Variants in DACH2 observed in about 807,000 individuals in gnomAD.
DACH2 encodes dachshund family transcription factor 2.
Under a neutral mutation model 35.8 loss-of-function variants are expected in DACH2, and 17 were observed. The ratio of observed to expected loss-of-function variants is 0.48; its 90% CI spans 0.33 to 0.71. DACH2 has a LOEUF of 0.71. Ranked by LOEUF, DACH2 falls within the 30% of genes least tolerant of loss-of-function variation. The pLI is 0.02. For synonymous variants in DACH2, 195 were observed against 177.3 expected, an observed-to-expected ratio of 1.10 and a Z score of -0.79; for missense variants, 469 against 472.7, an observed-to-expected ratio of 0.99 and a Z score of 0.07.
intron 11 of DACH2, among the ~76,000 whole-genome samples, chrX:86,824,786 G>A (rs762782771): frequency 1.2e-4 from 13 of 111,877 alleles, no homozygotes; most frequent in Middle Eastern, 4.6e-3. Flanking sequence ...ATTTAATAAT[G>A]AGTGAGGAAA....
chrX:86,302,212 G>T (rs951687268), intron 1 of DACH2, among the ~76,000 whole-genome samples: 1 of 111,371 alleles, frequency 9.0e-6, no homozygotes, highest in Non-Finnish European at 1.9e-5. Context: ...ATAGAAAGTA[G>T]ATCTCCTTAG....
At chrX:86,730,219 C>CGTAGAATAT (rs988187032) in intron 6 of DACH2, among the ~76,000 whole-genome samples, 9 of 110,820 alleles carry the variant, frequency 8.1e-5, no homozygotes, top group African/African-American at 3.0e-4. Context: ...TTATATGATG[C>CGTAGAATAT]GTAGAATATA....
intron 1 of DACH2, among the ~76,000 whole-genome samples, chrX:86,231,535 G>A (rs1455823050): frequency 1.8e-5 from 2 of 111,208 alleles, no homozygotes; most frequent in Non-Finnish European, 3.8e-5. Flanking sequence ...GCTGAGTCAT[G>A]CAGGTTGTCA....
chrX:86,157,369 G>C (rs1189741579), intron 1 of DACH2, among the ~76,000 whole-genome samples: 1 of 111,243 alleles, frequency 9.0e-6, no homozygotes, highest in Non-Finnish European at 1.9e-5. Flanking sequence ...TATGTGATGG[G>C]TTAAAAAGAA....
At chrX:86,324,693 C>T (rs747661978) in intron 1 of DACH2, among the ~76,000 whole-genome samples, 4 of 97,055 alleles carry the variant, frequency 4.1e-5, no homozygotes, top group South Asian at 5.4e-4. Flanking sequence ...ATTCTCCTGC[C>T]TCAGCCTCCC....
At chrX:86,430,087 C>A (rs961946469) in intron 2 of DACH2, among the ~76,000 whole-genome samples, 2 of 112,071 alleles carry the variant, frequency 1.8e-5, no homozygotes, top group African/African-American at 3.2e-5. Flanking sequence ...AATATTGTGG[C>A]ATGGTTTGAA....
chrX:86,770,393 GT>G (rs2041977364), intron 7 of DACH2, among the ~76,000 whole-genome samples: 1 of 111,648 alleles, frequency 9.0e-6, no homozygotes, highest in African/African-American at 3.2e-5. Flanking sequence ...TTGACTTGAG[GT>G]AGTTGTCAGC....
intron 3 of DACH2, among the ~76,000 whole-genome samples, chrX:86,548,571 A>C (rs1471655652): frequency 1.8e-5 from 2 of 111,832 alleles, no homozygotes; most frequent in Admixed American, 1.9e-4. Flanking sequence ...ATGCTTATTA[A>C]CAGTCATTGT....
chrX:86,825,418 G>GA (rs5902917), intron 11 of DACH2, among the ~76,000 whole-genome samples: 12 of 76,665 alleles, frequency 1.6e-4, no homozygotes, highest in Non-Finnish European at 2.3e-4. Flanking sequence ...CTCTGTCTCA[G>GA]AAAAAAAAAA....
intron 4 of DACH2, among the ~76,000 whole-genome samples, chrX:86,674,194 T>C (rs1201579005): frequency 1.8e-5 from 2 of 112,263 alleles, no homozygotes; most frequent in Admixed American, 9.5e-5. Flanking sequence ...TTATTATTGG[T>C]GCATTTTTGC....
intron 1 of DACH2, among the ~76,000 whole-genome samples, chrX:86,163,955 G>C (rs1236189418): frequency 8.9e-6 from 1 of 111,777 alleles, no homozygotes; most frequent in Non-Finnish European, 1.9e-5. Context: ...TACTGGGATT[G>C]CTGGGTCAAA....
rs1308627467 is a variant in DACH2, at chrX:86,304,595, C to T, written c.489-72229C>T. 1.1e-4 allele frequency: 17 copies of T among 161,589 alleles called. 1 individual carries two copies. The South Asian group carries it at 2.3e-3, about 22-fold the overall frequency. 13.3% of individuals were successfully genotyped at this position (161,589 alleles called of 1,213,427 possible). The stretch of plus-strand genomic sequence containing the variant: ...TGGATATCCTATGTCCTTCTCTGAC[C>T]ATCACATGGCCTGGCAGGACTCCTA... On this transcript the variant is annotated intron_variant, in intron 1 of 11. Transcript: ENST00000373125.
intron 1 of DACH2, among the ~76,000 whole-genome samples, chrX:86,301,450 C>G (rs1315466453): frequency 9.0e-6 from 1 of 111,567 alleles, no homozygotes; most frequent in Non-Finnish European, 1.9e-5. Flanking sequence ...ATAAAAAAAA[C>G]TGCCCTGTGG....
chrX:86,489,524 G>C (rs1030532139), intron 2 of DACH2, among the ~76,000 whole-genome samples: 1 of 110,451 alleles, frequency 9.1e-6, no homozygotes, highest in Non-Finnish European at 1.9e-5. Context: ...GATTTTACAC[G>C]TTCTTGCCTC....
intron 3 of DACH2, among the ~76,000 whole-genome samples, chrX:86,586,998 T>C (rs1167511328): frequency 1.8e-5 from 2 of 111,992 alleles, no homozygotes; most frequent in African/African-American, 6.5e-5. Context: ...ATCTGTACAT[T>C]GCTTTGGAAT....
chrX:86,303,341 C>A (rs192491215), intron 1 of DACH2, among the ~76,000 whole-genome samples: 91 of 109,421 alleles, frequency 8.3e-4, no homozygotes, highest in African/African-American at 3.0e-3. Flanking sequence ...TTTTTGCGTT[C>A]ACTTTTTGAC....
At chrX:86,785,799 C>A (rs2042131228) in intron 7 of DACH2, among the ~76,000 whole-genome samples, 1 of 111,486 alleles carries the variant, frequency 9.0e-6, no homozygotes, top group African/African-American at 3.3e-5. Context: ...AAAGGCATTG[C>A]TTCCTATATG....
Position 86,266,486 on chromosome X carries a change from TA to T in DACH2, c.489-110336del, listed in dbSNP as rs2033714616. Among the ~76,000 whole-genome samples the T allele has an allele frequency of 2.7e-5, 3 of 112,022 alleles. No individual in the cohort carries two copies. The Admixed American group carries it at 2.9e-4, about 11-fold the overall frequency. On this transcript the variant is annotated intron_variant, in intron 1 of 11. Transcript: ENST00000373125. ...CAAAACTGACGTTCTAAAAACATTATAAGATAGTGGCAACTGATACTGTCAA... is the reference window on the plus strand; with the variant it reads ...CAAAACTGACGTTCTAAAAACATTATAGATAGTGGCAACTGATACTGTCAA...
intron 1 of DACH2, among the ~76,000 whole-genome samples, chrX:86,242,649 G>A (rs2033190570): frequency 9.0e-6 from 1 of 111,353 alleles, no homozygotes; most frequent in Non-Finnish European, 1.9e-5. Flanking sequence ...AGATTTGTGA[G>A]AAGCCAGGGG....
Sources: allele counts gnomAD v4.1 joint callset (sites outside exome capture counted in the v4.1 genomes callset), GRCh38; gene constraint gnomAD v4.1.1; transcripts MANE v1.5; gene names NCBI Gene and HGNC (gene_info 2026-07-23, HGNC 2026-07-21).